Variants in DNM3 observed in about 807,000 individuals in gnomAD.
The protein encoded by DNM3 is dynamin 3, also known as dynamin-3.
DNM3 carries 47 observed loss-of-function variants against 101.6 expected under a neutral mutation model. The ratio of observed to expected loss-of-function variants is 0.46; its 90% CI spans 0.37 to 0.59. The LOEUF (loss-of-function observed/expected upper bound fraction) is 0.59, where lower values mean the gene tolerates loss of function less well. Among genes scored for constraint, DNM3 ranks in the 20% least tolerant of loss-of-function variants. The pLI is 0.00. For missense variants in DNM3, 849 were observed against 1,085.7 expected (o/e 0.78, Z 3.06); for synonymous variants, 385 against 387.9 (o/e 0.99, Z 0.09).
intron 2 of DNM3, among the ~76,000 whole-genome samples, chr1:171,982,095 G>T (rs75928571): frequency 5.5e-4 from 84 of 152,296 alleles, no homozygotes; most frequent in Admixed American, 1.0e-3. Context: ...ACTGGAAATT[G>T]TACCTTTCTG....
chr1:172,088,282 A>G (rs1487651543), intron 12 of DNM3, among the ~76,000 whole-genome samples: 1 of 152,212 alleles, frequency 6.6e-6, no homozygotes, highest in African/African-American at 2.4e-5. Context: ...AGGTTTCTAA[A>G]AAGGCATAAT....
chr1:171,865,064 GA>G (rs1180430064), intron 1 of DNM3, among the ~76,000 whole-genome samples: 1 of 152,032 alleles, frequency 6.6e-6, no homozygotes, highest in Non-Finnish European at 1.5e-5. Context: ...CTCTCCAAAT[GA>G]AATTATTTTA....
chr1:172,181,729 T>C (rs889509320), intron 14 of DNM3, among the ~76,000 whole-genome samples: 2 of 151,860 alleles, frequency 1.3e-5, no homozygotes, highest in Non-Finnish European at 2.9e-5. Flanking sequence ...AGGGAAATAA[T>C]TGGACTGTAT....
intron 19 of DNM3, among the ~76,000 whole-genome samples, 185 bp from the exon 20 acceptor site, chr1:172,388,387 AG>A (rs1424599099): frequency 6.6e-6 from 1 of 152,248 alleles, no homozygotes; most frequent in African/African-American, 2.4e-5. Context: ...AACAGAGTGA[AG>A]GGGTAGGGAG....
chr1:171,909,218 A>AG, intron 1 of DNM3, among the ~76,000 whole-genome samples: 1 of 152,138 alleles, frequency 6.6e-6, no homozygotes, highest in Non-Finnish European at 1.5e-5. Context: ...AGCTGGGTGG[A>AG]TCACTTGAGG....
At chr1:172,129,529 T>G (rs1340175371) in intron 13 of DNM3, among the ~76,000 whole-genome samples, 2 of 152,120 alleles carry the variant, frequency 1.3e-5, no homozygotes, top group African/African-American at 4.8e-5. Flanking sequence ...GACTTACAGT[T>G]CCACATGGCT....
At position 172,410,508 on chromosome 1, in the gene DNM3, T is replaced by G; in HGVS notation, c.*2667T>G. ...TATTTGATAGGTAAATATAGTTTTATTGTCACATGCTAAATATTGCATGCA... is the reference window on the plus strand; with the variant it reads ...TATTTGATAGGTAAATATAGTTTTAGTGTCACATGCTAAATATTGCATGCA... On this transcript the variant is annotated 3_prime_UTR_variant, in exon 21 of 21. Coordinates refer to ENST00000627582, the MANE Select transcript of DNM3 (RefSeq NM_015569.5). 1.0e-6 allele frequency: 1 copy of G among 983,876 alleles called. No homozygotes were observed. Among genetic ancestry groups the G allele is most frequent in the African/African-American group, 1.7e-5 (1 of 57,328 alleles). 60.9% of individuals were successfully genotyped at this position (983,876 alleles called of 1,614,324 possible).
At chr1:172,304,206 CAAAA>C (rs575733774) in intron 15 of DNM3, among the ~76,000 whole-genome samples, 4 of 36,406 alleles carry the variant, frequency 1.1e-4, no homozygotes, top group Admixed American at 5.2e-4. Context: ...AAAAGGAAAG[CAAAA>C]AAAAAAAAAA....
intron 13 of DNM3, among the ~76,000 whole-genome samples, chr1:172,099,133 G>A (rs1226359402): frequency 3.9e-5 from 6 of 152,182 alleles, no homozygotes; most frequent in Non-Finnish European, 8.8e-5. Flanking sequence ...AAGAGAGACA[G>A]GTTGAGGTAA....
intron 13 of DNM3, among the ~76,000 whole-genome samples, chr1:172,094,062 T>G (rs1179589328): frequency 2.6e-5 from 4 of 152,188 alleles, no homozygotes; most frequent in Admixed American, 6.5e-5. Flanking sequence ...CTCTGTCCTT[T>G]TATGCTATGT....
chr1:172,290,048 G>T (rs1055117883), intron 15 of DNM3: 13 of 919,646 alleles, frequency 1.4e-5, no homozygotes, highest in Non-Finnish European at 1.7e-5. Context: ...TTAATTTATT[G>T]TCAATAATCT....
At chr1:172,292,623 A>ACG (rs1553224124) in intron 15 of DNM3, among the ~76,000 whole-genome samples, 7,479 of 147,780 alleles carry the variant, frequency 0.051, 293 homozygotes, top group East Asian at 0.11. Context: ...ACACACACAC[A>ACG]CGCGCGTGCG....
In DNM3 at chr1:172,219,018, G is replaced by C. The variant is rs1467242307; in HGVS notation, c.1660-34555G>C. ...AATTATTTCAACAAACTTGCCTTGAGTTTATGTAATGTGTTAGGCATGGTA... is the reference window on the plus strand; with the variant it reads ...AATTATTTCAACAAACTTGCCTTGACTTTATGTAATGTGTTAGGCATGGTA... On this transcript the variant is annotated intron_variant, in intron 14 of 20. Coordinates refer to ENST00000627582, the MANE Select transcript of DNM3 (RefSeq NM_015569.5). 2.0e-5 allele frequency among the ~76,000 whole-genome samples: 3 copies of C among 152,024 alleles called. No individual in the cohort carries two copies. In the East Asian group the frequency reaches 5.8e-4, roughly 29 times the overall value.
chr1:171,972,739 C>T (rs1035416136), intron 2 of DNM3, among the ~76,000 whole-genome samples: 18 of 152,168 alleles, frequency 1.2e-4, no homozygotes, highest in African/African-American at 3.9e-4. Context: ...ATTCCAGCTA[C>T]TTGGGAGGAT....
Position 172,048,601 on chromosome 1 carries a change from C to G in DNM3, c.1197-11C>G. ...AAAAATCTCATGGGCTGCTTGCTTT[C>G]TTACCTTCAGGACAGGGTTGTTTAC... On this transcript the variant is annotated splice_polypyrimidine_tract_variant and intron_variant, in intron 9 of 20. Transcript: ENST00000627582. 1 of 1,594,228 alleles carries G rather than the reference C, an allele frequency of 6.3e-7. No individual in the cohort carries two copies. Among genetic ancestry groups the G allele is most frequent in the Non-Finnish European group, 8.5e-7 (1 of 1,173,246 alleles).
chr1:172,103,212 C>A (rs1003919401), intron 13 of DNM3, among the ~76,000 whole-genome samples: 3 of 151,848 alleles, frequency 2.0e-5, no homozygotes, highest in Non-Finnish European at 1.5e-5. Flanking sequence ...ACACACCCAC[C>A]CACACACAAA....
At chr1:171,884,779 TC>T in intron 1 of DNM3, among the ~76,000 whole-genome samples, 1 of 152,308 alleles carries the variant, frequency 6.6e-6, no homozygotes, top group East Asian at 1.9e-4. Flanking sequence ...ACAGAGCATA[TC>T]CTTTAATGTA....
At chr1:171,988,023 A>T (rs1378306734) in intron 3 of DNM3, among the ~76,000 whole-genome samples, 2 of 152,126 alleles carry the variant, frequency 1.3e-5, no homozygotes, top group Non-Finnish European at 2.9e-5. Context: ...TAGTCATCAA[A>T]TTTTTTCTTC....
At chr1:172,157,770 G>A (rs192894079) in intron 14 of DNM3, among the ~76,000 whole-genome samples, 5 of 152,180 alleles carry the variant, frequency 3.3e-5, no homozygotes, top group African/African-American at 1.2e-4. Context: ...ACAGGAGGAT[G>A]TACATAGGTT....
Sources: gnomAD v4.1 joint callset for allele counts (sites outside exome capture counted in the v4.1 genomes callset) on GRCh38, gnomAD v4.1.1 for gene constraint, MANE v1.5 for transcripts, NCBI Gene and HGNC (gene_info 2026-07-23, HGNC 2026-07-21) for gene names.